RBL1: variants seen among roughly 807,000 people sequenced by gnomAD.
The protein encoded by RBL1 is RB transcriptional corepressor like 1.
Under a neutral mutation model 123.0 loss-of-function variants are expected in RBL1, and 82 were observed. The ratio of observed to expected loss-of-function variants is 0.67; its 90% CI spans 0.56 to 0.80. The LOEUF is 0.80. Among genes scored for constraint, RBL1 ranks in the 30% least tolerant of loss-of-function variants. RBL1 has a pLI of 0.00. For synonymous variants in RBL1, 405 were observed against 441.3 expected, an observed-to-expected ratio of 0.92 and a Z score of 1.03; for missense variants, 1,171 against 1,299.6, an observed-to-expected ratio of 0.90 and a Z score of 1.52.
At chr20:37,080,189 C>T (rs981360077) in intron 2 of RBL1, among the ~76,000 whole-genome samples, 5 of 151,896 alleles carry the variant, frequency 3.3e-5, no homozygotes, top group African/African-American at 9.7e-5. Flanking sequence ...ACAAGAGTCT[C>T]GCTCTGTTGC....
rs1277788108 is a variant in RBL1 at position 36,998,891 on chromosome 20, C to T, written c.3075G>A (p.Glu1025=). Residue 1025 remains glutamate, a synonymous_variant, in exon 22 of 22, where the codon GAG becomes GAA. Coordinates refer to ENST00000373664, the MANE Select transcript of RBL1 (RefSeq NM_002895.5). ...KDINNMIRQG[E]QRTKKRVIAI... ...CTATTACTCGCTTCTTGGTTCTCTG[C>T]TCACCTTGCCTTATCATGTTGTTGA... 6.2e-7 allele frequency: 1 copy of T among 1,613,654 alleles called. No individual in the cohort carries two copies. The highest frequency in any genetic ancestry group is 1.1e-5 in the South Asian group (1 of 91,018).
chr20:37,028,845 AT>A (rs1353329302), intron 16 of RBL1, among the ~76,000 whole-genome samples: 22 of 152,192 alleles, frequency 1.4e-4, no homozygotes, highest in Admixed American at 1.4e-3. Context: ...GGTCAAATGT[AT>A]TTTTTAAGTG....
At chr20:37,081,688 T>A (rs575892951) in intron 2 of RBL1, among the ~76,000 whole-genome samples, 126 of 151,998 alleles carry the variant, frequency 8.3e-4, no homozygotes, top group Non-Finnish European at 1.4e-3. Flanking sequence ...AAAAACAACC[T>A]CAATGTTTTA....
chr20:37,067,146 A>G, intron 4 of RBL1, 25 bp from the exon 5 acceptor site: 2 of 1,570,990 alleles, frequency 1.3e-6, no homozygotes, highest in Middle Eastern at 1.7e-4. Flanking sequence ...AAAAAAAAAA[A>G]AAGACACAAA....
intron 19 of RBL1, among the ~76,000 whole-genome samples, chr20:37,015,380 C>A (rs1375217186): frequency 6.6e-6 from 1 of 151,832 alleles, no homozygotes; most frequent in African/African-American, 2.4e-5. Flanking sequence ...GAAAAACCAC[C>A]CTGGATAGGT....
chr20:37,054,887 A>G (rs1463605245), intron 11 of RBL1, among the ~76,000 whole-genome samples: 2 of 152,174 alleles, frequency 1.3e-5, no homozygotes, highest in African/African-American at 4.8e-5. Context: ...CACCATCAAG[A>G]TATTAGCGTA....
intron 2 of RBL1, among the ~76,000 whole-genome samples, chr20:37,078,361 T>C (rs909355399): frequency 6.6e-6 from 1 of 152,236 alleles, no homozygotes; most frequent in Admixed American, 6.5e-5. Context: ...GATCTTTGAC[T>C]GTATCAATTA....
At chr20:37,048,215 C>T (rs760005087) in intron 11 of RBL1, among the ~76,000 whole-genome samples, 15 of 152,096 alleles carry the variant, frequency 9.9e-5, no homozygotes, top group Non-Finnish European at 1.9e-4. Context: ...CAACTGAGGA[C>T]ACAGGCAGAA....
At chr20:37,025,753 T>TC (rs2064409105) in intron 16 of RBL1, among the ~76,000 whole-genome samples, 1 of 151,404 alleles carries the variant, frequency 6.6e-6, no homozygotes, top group Non-Finnish European at 1.5e-5. Context: ...TGGGTTTTTT[T>TC]TTTTTTTGAG....
At chr20:37,022,558 C>A in intron 17 of RBL1, 92 bp downstream of exon 17, 1 of 1,207,588 alleles carries the variant, frequency 8.3e-7, no homozygotes, top group Admixed American at 2.4e-5. Context: ...AAATCCTGGG[C>A]TCAAGCTATC....
intron 2 of RBL1, among the ~76,000 whole-genome samples, chr20:37,087,780 T>C (rs1434026542): frequency 6.6e-6 from 1 of 152,176 alleles, no homozygotes; most frequent in Non-Finnish European, 1.5e-5. Context: ...AAAAATGCCA[T>C]AAAGAACATT....
chr20:37,032,134 T>C (rs921237688), intron 16 of RBL1, among the ~76,000 whole-genome samples: 5 of 152,082 alleles, frequency 3.3e-5, no homozygotes, highest in East Asian at 3.9e-4. Flanking sequence ...CATCAGCAGA[T>C]GAATGAATAA....
intron 16 of RBL1, among the ~76,000 whole-genome samples, chr20:37,027,507 G>C (rs2064445029): frequency 6.6e-6 from 1 of 152,164 alleles, no homozygotes; most frequent in Non-Finnish European, 1.5e-5. Context: ...CTGGGCAATA[G>C]AATGGGCTAG....
At chr20:37,046,765 T>C (rs1429021074) in intron 12 of RBL1, among the ~76,000 whole-genome samples, 1 of 151,940 alleles carries the variant, frequency 6.6e-6, no homozygotes, top group Non-Finnish European at 1.5e-5. Flanking sequence ...CTCGCCACAA[T>C]GCCTGGCTAA....
intron 19 of RBL1, among the ~76,000 whole-genome samples, chr20:37,010,068 AC>A (rs1476321985): frequency 6.6e-6 from 1 of 151,908 alleles, no homozygotes; most frequent in Non-Finnish European, 1.5e-5. Context: ...ATTTAAAAAA[AC>A]ATACTTGGCC....
At chr20:37,090,143 A>G (rs1242022972) in intron 1 of RBL1, among the ~76,000 whole-genome samples, 1 of 152,214 alleles carries the variant, frequency 6.6e-6, no homozygotes, top group African/African-American at 2.4e-5. Flanking sequence ...GTTTAGATAC[A>G]CACATACTCA....
intron 19 of RBL1, among the ~76,000 whole-genome samples, chr20:37,012,432 C>T (rs1369408821): frequency 2.6e-5 from 4 of 151,988 alleles, no homozygotes; most frequent in Non-Finnish European, 4.4e-5. Flanking sequence ...CGCCTCTTCC[C>T]GGCCGCCATC....
rs183341671 is a variant in RBL1 at position 37,066,910 on chromosome 20, G to C, written c.686-26C>G. 32 of 1,599,774 alleles carry C rather than the reference G, an allele frequency of 2.0e-5. No homozygotes were observed. In the East Asian group the frequency reaches 6.0e-4, roughly 30 times the overall value. ...CTAGTTTGACAGTGTAGGAAGGGCA[G>C]AGGGAAAAAAAAATAGTCAACTTTT... On this transcript the variant is annotated intron_variant, in intron 5 of 21. Transcript: ENST00000373664.
chr20:37,006,286 C>T (rs1361619397), intron 20 of RBL1, among the ~76,000 whole-genome samples: 1 of 151,102 alleles, frequency 6.6e-6, no homozygotes, highest in South Asian at 2.1e-4. Flanking sequence ...CTGCAACCTC[C>T]GCTTTCTGGG....
Sources: allele counts gnomAD v4.1 joint callset (sites outside exome capture counted in the v4.1 genomes callset), GRCh38; gene constraint gnomAD v4.1.1; transcripts MANE v1.5; gene names NCBI Gene and HGNC (gene_info 2026-07-23, HGNC 2026-07-21).